Variants in RYR3 observed in about 807,000 individuals in gnomAD.
RYR3 encodes the protein ryanodine receptor 3.
A neutral mutation model predicts 584.3 loss-of-function variants in RYR3; 207 were observed. That is an observed-to-expected ratio of 0.35 (90% confidence interval 0.32 to 0.40). The LOEUF is 0.40. Among genes scored for constraint, RYR3 ranks in the 10% least tolerant of loss-of-function variants. The probability of loss-of-function intolerance (pLI) is 1.00; values close to 1 mark genes in which losing one functional copy is unlikely to be tolerated. For missense variants in RYR3, 5,616 were observed against 6,089.2 expected (o/e 0.92, Z 2.59); for synonymous variants, 2,416 against 2,248.5 (o/e 1.07, Z -2.11).
chr15:33,501,756 G>T (rs2052009344), intron 2 of RYR3, among the ~76,000 whole-genome samples: 1 of 152,162 alleles, frequency 6.6e-6, no homozygotes, highest in South Asian at 2.1e-4. Context: ...TCATATAATT[G>T]TATGCTATTT....
At chr15:33,367,661 T>C (rs2141060134) in intron 1 of RYR3, among the ~76,000 whole-genome samples, 2 of 152,302 alleles carry the variant, frequency 1.3e-5, no homozygotes, top group East Asian at 3.9e-4. Flanking sequence ...AGTTCATTCT[T>C]AAGAAGTTAC....
chr15:33,736,214 G>T, intron 48 of RYR3, 21 bp from the exon 49 acceptor site: 1 of 1,487,154 alleles, frequency 6.7e-7, no homozygotes, highest in Non-Finnish European at 9.4e-7. Flanking sequence ...ATTTATCTAC[G>T]TTTGTCATTT....
intron 42 of RYR3, among the ~76,000 whole-genome samples, chr15:33,701,613 G>A (rs1225454691): frequency 6.6e-6 from 1 of 152,030 alleles, no homozygotes; most frequent in Non-Finnish European, 1.5e-5. Flanking sequence ...GATTCACAGT[G>A]TGACCTTCTG....
intron 65 of RYR3, among the ~76,000 whole-genome samples, chr15:33,783,495 A>G (rs2074509159): frequency 6.6e-6 from 1 of 152,234 alleles, no homozygotes; most frequent in Admixed American, 6.5e-5. Flanking sequence ...TTACGTATAA[A>G]TAACTTTTAA....
At chr15:33,342,568 G>A (rs1971954153) in intron 1 of RYR3, among the ~76,000 whole-genome samples, 1 of 151,878 alleles carries the variant, frequency 6.6e-6, no homozygotes, top group South Asian at 2.1e-4. Flanking sequence ...AAGGAAAATG[G>A]GTCTCTAGTT....
intron 20 of RYR3, among the ~76,000 whole-genome samples, chr15:33,624,902 A>G (rs59753482): frequency 0.17 from 25,534 of 151,978 alleles, 2,424 homozygotes; most frequent in Admixed American, 0.24. Flanking sequence ...TCTAGCATGC[A>G]TTTTTCCCAT....
rs370691735 is a variant in RYR3 at position 33,662,608 on chromosome 15, C to T, written c.5078C>T (p.Thr1693Met). Reference protein sequence around the residue: ...SPEIPLESLRTKALSMLTEAV... With the variant: ...SPEIPLESLRMKALSMLTEAV... ...GAGATTCCCTTGGAGAGTCTCAGGA[C>T]GAAGGCTCTGAGTATGCTGACAGAG... Residue 1693 changes from threonine to methionine, a missense_variant, in exon 35 of 104, where the codon ACG (threonine) becomes ATG (methionine). By Grantham distance (81) the Thr-to-Met change is moderately conservative. Coordinates refer to ENST00000634891, the MANE Select transcript of RYR3 (RefSeq NM_001036.6). The T allele has an allele frequency of 8.9e-5, 144 of 1,613,898 alleles. 1 individual carries two copies. Among genetic ancestry groups the T allele is most frequent in the African/African-American group, 8.3e-4 (62 of 75,000 alleles).
At chr15:33,694,701 C>T (rs185670103) in intron 38 of RYR3, among the ~76,000 whole-genome samples, 1 of 152,320 alleles carries the variant, frequency 6.6e-6, no homozygotes, top group African/African-American at 2.4e-5. Context: ...AATGACTTTG[C>T]CCCTAGAGGA....
chr15:33,760,656 G>A (rs1366493424), intron 60 of RYR3, among the ~76,000 whole-genome samples: 2 of 152,152 alleles, frequency 1.3e-5, no homozygotes, highest in Non-Finnish European at 2.9e-5. Context: ...ATAATAGTGG[G>A]AGACTTTAAA....
chr15:33,844,878 TA>T lies in RYR3; in HGVS notation c.13314del (p.Glu4439LysfsTer51). On this transcript the variant is annotated frameshift_variant, in exon 93 of 104. Transcript: ENST00000634891. LOFTEE classifies it high-confidence loss of function. ...LLFYKVTEEP[L>X]EEETEDVANL... ...TTGAGCCAGGTCACTGAAGAACCTT[TA>T]GAAGAAGAGACAGAGGATGTTGCAA... 6.2e-7 allele frequency: 1 copy of T among 1,613,772 alleles called. No homozygotes were observed.
intron 1 of RYR3, among the ~76,000 whole-genome samples, chr15:33,403,599 GAAT>G (rs1182043239): frequency 7.1e-6 from 1 of 140,746 alleles, no homozygotes; most frequent in Admixed American, 6.6e-5. Flanking sequence ...TTTCACTACA[GAAT>G]AATAATTGAC....
At position 33,658,786 on chromosome 15, in the gene RYR3, T is replaced by C. The variant is rs370418316; in HGVS notation, c.4309-934T>C. On this transcript the variant is annotated intron_variant, in intron 32 of 103. Transcript: ENST00000634891. ...AGCAAGTAATACCTGGAGCTCCTGA[T>C]GTGGTACACTGATAAATCTAATGTT... Among the ~76,000 whole-genome samples the C allele has an allele frequency of 9.2e-5, 14 of 152,206 alleles. No homozygotes were observed. In the East Asian group the frequency reaches 9.6e-4, roughly 10 times the overall value.
chr15:33,756,637 G>T (rs574513312), intron 59 of RYR3, among the ~76,000 whole-genome samples: 11 of 152,244 alleles, frequency 7.2e-5, no homozygotes, highest in Middle Eastern at 6.8e-3. Context: ...GCCTGTGTGC[G>T]TGGTTCAGAC....
In RYR3 at chr15:33,725,173, A is replaced by G. The variant is rs967560985; in HGVS notation, c.6912+997A>G. On this transcript the variant is annotated intron_variant, in intron 45 of 103. Coordinates refer to ENST00000634891, the MANE Select transcript of RYR3 (RefSeq NM_001036.6). ...ACACCTTACACACACACACACACAC[A>G]CACACACACACACACACACACACAC... Among the ~76,000 whole-genome samples the G allele has an allele frequency of 1.0e-4, 15 of 144,068 alleles. 1 individual carries two copies. The highest frequency in any genetic ancestry group is 3.6e-4 in the African/African-American group (14 of 39,270). 94.5% of individuals were successfully genotyped at this position (144,068 alleles called of 152,430 possible).
Position 33,800,840 on chromosome 15 carries a change from C to A in RYR3, c.9901C>A (p.Leu3301Met). 6.2e-7 allele frequency: 1 copy of A among 1,612,856 alleles called. No individual in the cohort carries two copies. The highest frequency in any genetic ancestry group is 1.1e-5 in the South Asian group (1 of 91,060). ...LFRMVAEVFILWCKSHNFKRE... is the reference protein window; with the variant it reads ...LFRMVAEVFIMWCKSHNFKRE... The stretch of plus-strand genomic sequence containing the variant: ...CCGCATGGTGGCAGAAGTCTTCATT[C>A]TGTGGTGTAAATCTCATGTAAGAAC... Residue 3301 changes from leucine (L) to methionine (M), a missense_variant, in exon 68 of 104, where the codon CTG becomes ATG. Leu to Met is a conservative substitution (Grantham distance 15, BLOSUM62 2). This residue lies in a region of RYR3 where 954 missense variants were observed against 1,132.2 expected (regional missense o/e 0.84). Transcript: ENST00000634891.
chr15:33,512,263 C>T (rs1439968269), intron 3 of RYR3, among the ~76,000 whole-genome samples: 2 of 152,134 alleles, frequency 1.3e-5, no homozygotes, highest in Non-Finnish European at 2.9e-5. Flanking sequence ...GGCTGGAATT[C>T]ATGATAAAAA....
chr15:33,462,671 A>G (rs964722907), intron 1 of RYR3, among the ~76,000 whole-genome samples: 2 of 152,196 alleles, frequency 1.3e-5, no homozygotes, highest in Non-Finnish European at 2.9e-5. Context: ...TGCAGATACC[A>G]TAGATCTGAT....
chr15:33,817,097 A>G (rs2076856512), intron 75 of RYR3, 139 bp downstream of exon 75: 1 of 543,242 alleles, frequency 1.8e-6, no homozygotes. Flanking sequence ...GTAAGTGCTC[A>G]GGGGAGGCCC....
chr15:33,330,109 T>C (rs1284493081), intron 1 of RYR3, among the ~76,000 whole-genome samples: 3 of 152,166 alleles, frequency 2.0e-5, no homozygotes, highest in African/African-American at 7.2e-5. Flanking sequence ...TTACATTCTA[T>C]GGAGGCACCA....
Sources: allele counts gnomAD v4.1 joint callset (sites outside exome capture counted in the v4.1 genomes callset), GRCh38; gene constraint gnomAD v4.1.1; regional missense constraint gnomAD v4.1.1; transcripts MANE v1.5; gene names NCBI Gene and HGNC (gene_info 2026-07-23, HGNC 2026-07-21).